The following HIVEP3 variants were observed in gnomAD, a reference collection of about 807,000 sequenced individuals.
HIVEP3 encodes HIVEP zinc finger 3.
In HIVEP3, 49 loss-of-function variants were observed where a neutral mutation model predicts 152.8. The ratio of observed to expected loss-of-function variants is 0.32; its 90% CI spans 0.26 to 0.41. The LOEUF is 0.41. Ranked by LOEUF, HIVEP3 falls within the 10% of genes least tolerant of loss-of-function variation. The pLI, the probability that HIVEP3 is intolerant of heterozygous loss-of-function variation, is 1.00. For synonymous variants in HIVEP3, 1,269 were observed against 1,289.0 expected (o/e 0.98, Z 0.33); for missense variants, 2,790 against 3,103.3 (o/e 0.90, Z 2.40).
intron 1 of HIVEP3, among the ~76,000 whole-genome samples, chr1:41,747,749 T>C (rs1471865781): frequency 6.6e-6 from 1 of 152,052 alleles, no homozygotes; most frequent in Admixed American, 6.6e-5. Context: ...GTTGTGTAGA[T>C]GGCTCCCATT....
chr1:41,684,304 C>T (rs1646083810), intron 2 of HIVEP3, among the ~76,000 whole-genome samples: 1 of 152,256 alleles, frequency 6.6e-6, no homozygotes, highest in South Asian at 2.1e-4. Context: ...TCCAAAGCCA[C>T]CAACCACCTT....
At chr1:41,874,677 C>A (rs1431886738) in intron 1 of HIVEP3, among the ~76,000 whole-genome samples, 1 of 152,158 alleles carries the variant, frequency 6.6e-6, no homozygotes, top group Non-Finnish European at 1.5e-5. Context: ...AGAAAGTAAG[C>A]CCTCAATAGG....
At chr1:41,638,383 GAGAAAGAAAGAAA>G (rs1236160893) in intron 2 of HIVEP3, among the ~76,000 whole-genome samples, 1 of 63,042 alleles carries the variant, frequency 1.6e-5, no homozygotes, top group African/African-American at 6.6e-5. Flanking sequence ...GGGAGAGAGA[GAGAAAGAAAGAAA>G]AGAAAGAAAG....
chr1:41,728,805 C>T (rs1047723319), intron 1 of HIVEP3, among the ~76,000 whole-genome samples: 10 of 152,200 alleles, frequency 6.6e-5, no homozygotes, highest in Admixed American at 5.9e-4. Context: ...TGGCCTGGGA[C>T]TGGGCTTAGA....
intron 1 of HIVEP3, among the ~76,000 whole-genome samples, chr1:41,874,732 C>T (rs146008388): frequency 2.0e-5 from 3 of 152,312 alleles, no homozygotes; most frequent in Non-Finnish European, 4.4e-5. Context: ...GTCACTCAGT[C>T]CCATGGCTGA....
intron 1 of HIVEP3, among the ~76,000 whole-genome samples, chr1:41,743,784 G>C (rs1393662923): frequency 6.6e-6 from 1 of 152,166 alleles, no homozygotes; most frequent in African/African-American, 2.4e-5. Flanking sequence ...AGGCTCAGTA[G>C]ACTTGTGAGT....
rs369721420 is a variant in HIVEP3 at position 41,510,427 on chromosome 1, G to A, written c.*24C>T. 4 of 1,450,696 alleles carry A rather than the reference G, an allele frequency of 2.8e-6. No individual in the cohort carries two copies. The highest frequency in any genetic ancestry group is 3.6e-6 in the Non-Finnish European group (4 of 1,099,396). 89.9% of individuals were successfully genotyped at this position (1,450,696 alleles called of 1,614,324 possible). A position where few individuals can be genotyped will look rare whatever the true frequency, so the allele number is the denominator to read the frequency against. On this transcript the variant is annotated 3_prime_UTR_variant, in exon 9 of 9. Transcript: ENST00000372583. ...GTCTGTTGCTGGACACTGGAAGCCAGATGCTGAAGCAGTTGGAGAGAGGCT... is the reference window on the plus strand; with the variant it reads ...GTCTGTTGCTGGACACTGGAAGCCAAATGCTGAAGCAGTTGGAGAGAGGCT...
At chr1:41,532,254 A>G (rs111998519) in intron 5 of HIVEP3, among the ~76,000 whole-genome samples, 17,520 of 137,330 alleles carry the variant, frequency 0.13, 1,320 homozygotes, top group Non-Finnish European at 0.18. Context: ...AGGACAGGAG[A>G]GAAGGGAGGA....
chr1:41,581,288 G>T lies in HIVEP3; in HGVS notation c.3510C>A (p.Ser1170Arg). ...PEFFSTQAMS[S>R]LLSSPYSMPP... ...GCATGGAGTATGGTGAGGACAGGAG[G>T]CTGGACATGGCCTGGGTGGAGAAGA... The change falls in exon 4 of 9, where the codon AGC becomes AGA. Residue 1170 changes from serine (S) to arginine (R), a missense_variant. Physicochemically the swap from Ser to Arg is moderately radical, Grantham distance 110. Around this residue, in one of 9 missense-constraint regions of HIVEP3, gnomAD observed 1,078 missense variants for 1,165.3 expected, o/e 0.93. Transcript: ENST00000372583. This position sits in a 1 kb window ranked among gnomAD's most constrained non-coding sequence, Gnocchi z 4.5. 5.6e-6 allele frequency: 9 copies of T among 1,611,054 alleles called. No individual in the cohort carries two copies. The highest frequency in any genetic ancestry group is 7.6e-6 in the Non-Finnish European group (9 of 1,178,656).
intron 1 of HIVEP3, among the ~76,000 whole-genome samples, chr1:41,808,044 A>G (rs1558287435): frequency 6.6e-6 from 1 of 152,172 alleles, no homozygotes. Context: ...TCAACCACTA[A>G]CAGGGCATCC....
Position 41,511,475 on chromosome 1 carries a change from C to G in HIVEP3, c.6406-209G>C, listed in dbSNP as rs1249620280. Among the ~76,000 whole-genome samples the G allele has an allele frequency of 6.6e-6, 1 of 152,190 alleles. No individual in the cohort carries two copies. Among genetic ancestry groups the G allele is most frequent in the Non-Finnish European group, 1.5e-5 (1 of 68,044 alleles). ...CTGGAATGGGCCATCTCCAGCTCGA[C>G]AGTGACCATGAGTATGCTCAGGCCC... On this transcript the variant is annotated intron_variant, in intron 8 of 8. Transcript: ENST00000372583. The surrounding 1 kb of genome is among the most constrained non-coding windows in gnomAD (Gnocchi z 4.9).
At chr1:41,612,705 G>T (rs1644915697) in intron 3 of HIVEP3, among the ~76,000 whole-genome samples, 1 of 152,142 alleles carries the variant, frequency 6.6e-6, no homozygotes. Context: ...GACAAATACG[G>T]TATCCTGAAC....
At chr1:41,526,750 C>T (rs1034050730) in intron 5 of HIVEP3, among the ~76,000 whole-genome samples, 2 of 138,688 alleles carry the variant, frequency 1.4e-5, no homozygotes, top group Non-Finnish European at 3.1e-5. Flanking sequence ...AACGTGCTCA[C>T]ATCCCCACAC....
At chr1:42,028,364 T>C (rs1008046008) in intron 1 of HIVEP3, among the ~76,000 whole-genome samples, 1 of 152,192 alleles carries the variant, frequency 6.6e-6, no homozygotes. Flanking sequence ...AGGAACCCAA[T>C]TGCAGGACAT....
Position 41,995,845 on chromosome 1 carries a change from C to A in HIVEP3, n.119+39962G>T, listed in dbSNP as rs561927949. Among the ~76,000 whole-genome samples the A allele has an allele frequency of 1.2e-4, 18 of 152,288 alleles. No homozygotes were observed. In the South Asian group the frequency reaches 3.7e-3, roughly 32 times the overall value. ...TCTTTTTCCTTCAGCTCCATCACAG[C>A]ATCAGTCCAAATCAGCTTGTAACAT... On this transcript the variant is annotated intron_variant and non_coding_transcript_variant, in intron 1 of 3. Coordinates refer to the HIVEP3 transcript ENST00000489103.
At chr1:41,892,178 C>G (rs1245062326) in intron 1 of HIVEP3, among the ~76,000 whole-genome samples, 1 of 152,188 alleles carries the variant, frequency 6.6e-6, no homozygotes, top group Non-Finnish European at 1.5e-5. Context: ...CACTGCATAG[C>G]TCTCTTTAAA....
chr1:41,544,433 T>G (rs1643610475), intron 5 of HIVEP3: 2 of 151,888 alleles, frequency 1.3e-5, no homozygotes, highest in Admixed American at 6.6e-5. Context: ...CTCTTTGAAT[T>G]GATTAAACAC....
intron 1 of HIVEP3, among the ~76,000 whole-genome samples, chr1:41,814,396 G>A (rs1651140796): frequency 6.6e-6 from 1 of 152,184 alleles, no homozygotes; most frequent in Non-Finnish European, 1.5e-5. Context: ...TAGCTCTCAT[G>A]CCACCATGGT....
At chr1:41,615,493 G>A (rs1429139726) in intron 3 of HIVEP3, among the ~76,000 whole-genome samples, 1 of 152,246 alleles carries the variant, frequency 6.6e-6, no homozygotes, top group Admixed American at 6.5e-5. Flanking sequence ...TGGGCCCAAG[G>A]AAGAGAAGGG....
Sources: allele counts gnomAD v4.1 joint callset (sites outside exome capture counted in the v4.1 genomes callset), GRCh38; gene constraint gnomAD v4.1.1; regional missense constraint gnomAD v4.1.1; non-coding constraint Gnocchi (gnomAD v3.1); transcripts MANE v1.5; gene names NCBI Gene and HGNC (gene_info 2026-07-23, HGNC 2026-07-21).